The following EPHA6 variants were observed in gnomAD, a reference collection of about 807,000 sequenced individuals.
EPHA6 encodes EPH receptor A6, also known as ephrin type-A receptor 6.
In EPHA6, 50 loss-of-function variants were observed where a neutral mutation model predicts 112.0. The ratio of observed to expected loss-of-function variants is 0.45; its 90% CI spans 0.36 to 0.56. The LOEUF (loss-of-function observed/expected upper bound fraction) is 0.56. Among genes scored for constraint, EPHA6 ranks in the 20% least tolerant of loss-of-function variants. The pLI, the probability that EPHA6 is intolerant of heterozygous loss-of-function variation, is 0.00. For missense variants in EPHA6, 1,280 were observed against 1,417.4 expected, an observed-to-expected ratio of 0.90 and a Z score of 1.56; for synonymous variants, 529 against 490.7, an observed-to-expected ratio of 1.08 and a Z score of -1.03.
At chr3:97,181,471 G>A (rs938838238) in intron 3 of EPHA6, among the ~76,000 whole-genome samples, 1 of 151,900 alleles carries the variant, frequency 6.6e-6, no homozygotes, top group African/African-American at 2.4e-5. Context: ...TTCCTTGTTT[G>A]TTGACGTTCC....
chr3:97,435,805 T>A (rs764610741), intron 6 of EPHA6, among the ~76,000 whole-genome samples: 15 of 152,184 alleles, frequency 9.9e-5, no homozygotes, highest in Admixed American at 6.5e-5. Flanking sequence ...GTAGATAAAT[T>A]TGTTCACTCT....
intron 14 of EPHA6, among the ~76,000 whole-genome samples, chr3:97,699,322 A>G (rs2033229993): frequency 6.6e-6 from 1 of 152,246 alleles, no homozygotes; most frequent in African/African-American, 2.4e-5. Flanking sequence ...CATAGTGTTC[A>G]GCAGAGACAC....
chr3:97,656,629 T>C (rs1386230894), intron 14 of EPHA6, among the ~76,000 whole-genome samples: 1 of 151,956 alleles, frequency 6.6e-6, no homozygotes, highest in African/African-American at 2.4e-5. Context: ...ATCCATTGAT[T>C]GGTCTGTGCT....
intron 11 of EPHA6, among the ~76,000 whole-genome samples, chr3:97,589,163 C>CTTT (rs1184809574): frequency 1.4e-5 from 2 of 143,690 alleles, no homozygotes; most frequent in Admixed American, 7.0e-5. Context: ...CTTTTCTTCT[C>CTTT]TTTTTTTTTT....
At chr3:97,658,964 A>C (rs1474145050) in intron 14 of EPHA6, among the ~76,000 whole-genome samples, 1 of 151,934 alleles carries the variant, frequency 6.6e-6, no homozygotes, top group Admixed American at 6.6e-5. Flanking sequence ...TCTTAGTTTA[A>C]TATTGCCTGA....
At chr3:96,992,316 G>C (rs1439591294) in intron 3 of EPHA6, among the ~76,000 whole-genome samples, 3 of 152,064 alleles carry the variant, frequency 2.0e-5, no homozygotes, top group Non-Finnish European at 4.4e-5. Flanking sequence ...TCTACCATCT[G>C]TTCAATCCCA....
chr3:97,343,839 A>C (rs530157065), intron 5 of EPHA6, among the ~76,000 whole-genome samples: 1 of 152,320 alleles, frequency 6.6e-6, no homozygotes, highest in African/African-American at 2.4e-5. Context: ...GCTGCCCTAC[A>C]GAGCAAAGGG....
intron 5 of EPHA6, among the ~76,000 whole-genome samples, chr3:97,393,937 G>A (rs560859355): frequency 2.6e-5 from 4 of 151,870 alleles, no homozygotes; most frequent in Non-Finnish European, 1.5e-5. Flanking sequence ...GTGTATCATT[G>A]TGTATATAGA....
At chr3:97,733,489 A>C (rs2035126320) in intron 15 of EPHA6, among the ~76,000 whole-genome samples, 1 of 152,076 alleles carries the variant, frequency 6.6e-6, no homozygotes, top group Non-Finnish European at 1.5e-5. Context: ...TTTTCCAAGA[A>C]TCTGCTCCTC....
At chr3:97,678,544 G>T (rs1314477272) in intron 14 of EPHA6, among the ~76,000 whole-genome samples, 1 of 152,114 alleles carries the variant, frequency 6.6e-6, no homozygotes, top group Non-Finnish European at 1.5e-5. Context: ...AATATTAAGG[G>T]TATCTGAAGC....
chr3:97,336,185 A>T (rs1430647964), intron 5 of EPHA6, among the ~76,000 whole-genome samples: 1 of 152,128 alleles, frequency 6.6e-6, no homozygotes, highest in Non-Finnish European at 1.5e-5. Context: ...CCCCAGGTAG[A>T]AAGGGGGTTT....
At chr3:97,641,364 T>A (rs762846417) in intron 14 of EPHA6, among the ~76,000 whole-genome samples, 1 of 152,104 alleles carries the variant, frequency 6.6e-6, no homozygotes, top group Non-Finnish European at 1.5e-5. Context: ...AAGATACAAG[T>A]CAATTCAAGC....
At chr3:97,657,383 T>C (rs188816968) in intron 14 of EPHA6, among the ~76,000 whole-genome samples, 3 of 152,006 alleles carry the variant, frequency 2.0e-5, no homozygotes, top group East Asian at 3.9e-4. Context: ...TAAACTATTA[T>C]ACCTTCATCT....
rs531178242 is a variant in EPHA6, at chr3:97,320,797, G to A, written c.1606+76510G>A. On this transcript the variant is annotated intron_variant, in intron 5 of 17. Coordinates refer to ENST00000389672, the MANE Select transcript of EPHA6 (RefSeq NM_001080448.3). ...GATGGGGCAGCTTATTTACTACATCGTTCTGTGTTCTCTGGGGGCAAAAAA... is the reference window on the plus strand; with the variant it reads ...GATGGGGCAGCTTATTTACTACATCATTCTGTGTTCTCTGGGGGCAAAAAA... Among the ~76,000 whole-genome samples the A allele has an allele frequency of 3.8e-5, 5 of 133,228 alleles. No homozygotes were observed. The South Asian group carries it at 6.8e-4, about 18-fold the overall frequency. 87.4% of individuals were successfully genotyped at this position (133,228 alleles called of 152,430 possible).
intron 4 of EPHA6, among the ~76,000 whole-genome samples, chr3:97,226,625 C>G (rs2078364101): frequency 6.6e-6 from 1 of 152,196 alleles, no homozygotes; most frequent in African/African-American, 2.4e-5. Context: ...CCTCAAAATT[C>G]ATTTGGATTC....
At chr3:97,117,311 G>C (rs2047917610) in intron 3 of EPHA6, among the ~76,000 whole-genome samples, 2 of 151,610 alleles carry the variant, frequency 1.3e-5, no homozygotes, top group Admixed American at 1.3e-4. Flanking sequence ...TTTGCAGTGT[G>C]TAAGATTATT....
intron 14 of EPHA6, among the ~76,000 whole-genome samples, chr3:97,644,504 G>T (rs1030434827): frequency 7.2e-5 from 11 of 151,868 alleles, no homozygotes; most frequent in Non-Finnish European, 1.2e-4. Context: ...CCAGGAGCTG[G>T]TTTTTTGAAA....
At chr3:97,188,754 T>A (rs2077223101) in intron 3 of EPHA6, among the ~76,000 whole-genome samples, 1 of 151,814 alleles carries the variant, frequency 6.6e-6, no homozygotes, top group Non-Finnish European at 1.5e-5. Context: ...AAAAAATCAT[T>A]TAGAGGAAAA....
At chr3:97,207,874 C>T (rs754620261) in intron 3 of EPHA6, among the ~76,000 whole-genome samples, 2 of 152,110 alleles carry the variant, frequency 1.3e-5, no homozygotes, top group Non-Finnish European at 2.9e-5. Context: ...ATCCAAGCAC[C>T]AGCTTACAGA....
Sources: gnomAD v4.1 joint callset for allele counts (sites outside exome capture counted in the v4.1 genomes callset) on GRCh38, gnomAD v4.1.1 for gene constraint, MANE v1.5 for transcripts, NCBI Gene and HGNC (gene_info 2026-07-23, HGNC 2026-07-21) for gene names.